Variants in PEX5L observed in about 807,000 individuals in gnomAD.
The protein encoded by PEX5L is PEX5-related protein.
In PEX5L, 30 loss-of-function variants were observed where a neutral mutation model predicts 84.0. The ratio of observed to expected loss-of-function variants is 0.36; its 90% CI spans 0.27 to 0.48. PEX5L has a LOEUF of 0.48. PEX5L is among the 20% of genes least tolerant of loss of function. The pLI, the probability that PEX5L is intolerant of heterozygous loss-of-function variation, is 0.99. For missense variants in PEX5L, 533 were observed against 754.6 expected, an observed-to-expected ratio of 0.71 and a Z score of 3.44; for synonymous variants, 270 against 283.1, an observed-to-expected ratio of 0.95 and a Z score of 0.46.
intron 2 of PEX5L, among the ~76,000 whole-genome samples, chr3:179,924,422 G>T (rs1226167760): frequency 6.6e-6 from 1 of 152,130 alleles, no homozygotes; most frequent in Non-Finnish European, 1.5e-5. Flanking sequence ...GATGTTTTTG[G>T]AATGAATAAA....
intron 1 of PEX5L, among the ~76,000 whole-genome samples, chr3:180,001,320 T>C (rs1165748500): frequency 6.8e-6 from 1 of 148,074 alleles, no homozygotes; most frequent in Non-Finnish European, 1.5e-5. Context: ...CCCCTTTATA[T>C]TCATATATAT....
chr3:179,952,116 C>T (rs1020140378), intron 2 of PEX5L, among the ~76,000 whole-genome samples: 3 of 152,084 alleles, frequency 2.0e-5, no homozygotes, highest in African/African-American at 7.2e-5. Context: ...TATAGATTTG[C>T]AAGAAAGCTT....
chr3:179,984,648 T>C (rs1464872873), intron 1 of PEX5L, among the ~76,000 whole-genome samples: 2 of 152,214 alleles, frequency 1.3e-5, no homozygotes. Flanking sequence ...GGAAAATTAA[T>C]TTTTGTTTTT....
In PEX5L at chr3:179,939,868, A is replaced by G. The variant is rs1340311430; in HGVS notation, c.93+31726T>C. On this transcript the variant is annotated intron_variant, in intron 2 of 14. Coordinates refer to ENST00000467460, the MANE Select transcript of PEX5L (RefSeq NM_016559.3). ...GCAAAGTTGGAAGACATGAACCCAG[A>G]GGAAAGCCAGAGAAAAAATGAGTTG... Among the ~76,000 whole-genome samples, 6 of 152,144 alleles carry G rather than the reference A, an allele frequency of 3.9e-5. No individual in the cohort carries two copies. The East Asian group carries it at 1.2e-3, about 29-fold the overall frequency.
At chr3:179,841,186 G>T (rs1737133585) in intron 8 of PEX5L, among the ~76,000 whole-genome samples, 2 of 152,278 alleles carry the variant, frequency 1.3e-5, no homozygotes, top group Non-Finnish European at 2.9e-5. Flanking sequence ...GAATGATTCA[G>T]TTTCTGCCTC....
At chr3:179,939,095 T>C (rs777360843) in intron 2 of PEX5L, among the ~76,000 whole-genome samples, 2 of 152,204 alleles carry the variant, frequency 1.3e-5, no homozygotes, top group Non-Finnish European at 2.9e-5. Flanking sequence ...TTGAATTCCT[T>C]TGGGAAATTC....
chr3:180,029,444 G>A (rs1273509064), intron 1 of PEX5L, among the ~76,000 whole-genome samples: 4 of 152,178 alleles, frequency 2.6e-5, no homozygotes, highest in Non-Finnish European at 5.9e-5. Context: ...AAATAAATGT[G>A]TTAGGTGAAG....
intron 1 of PEX5L, among the ~76,000 whole-genome samples, chr3:180,022,961 T>C (rs1420129337): frequency 1.3e-5 from 2 of 152,208 alleles, no homozygotes; most frequent in Non-Finnish European, 2.9e-5. Context: ...GTAGAAAGAA[T>C]GCATCAGTGA....
At chr3:179,864,949 A>G (rs190035504) in intron 7 of PEX5L, among the ~76,000 whole-genome samples, 1 of 152,142 alleles carries the variant, frequency 6.6e-6, no homozygotes, top group Non-Finnish European at 1.5e-5. Flanking sequence ...CTTAGCAGGC[A>G]CTTCTCACCA....
chr3:179,926,491 G>A (rs1442903678), intron 2 of PEX5L, among the ~76,000 whole-genome samples: 4 of 152,184 alleles, frequency 2.6e-5, no homozygotes, highest in African/African-American at 7.2e-5. Flanking sequence ...ATATTCAGGT[G>A]TCAATTCAAG....
In PEX5L at chr3:180,024,260, G is replaced by A. The variant is rs959756663; in HGVS notation, c.21+12319C>T. 4.7e-5 allele frequency among the ~76,000 whole-genome samples: 7 copies of A among 150,032 alleles called. No homozygotes were observed. The South Asian group carries it at 1.1e-3, about 23-fold the overall frequency. On this transcript the variant is annotated intron_variant, in intron 1 of 14. Coordinates refer to ENST00000467460, the MANE Select transcript of PEX5L (RefSeq NM_016559.3). ...CTCACATATAAGAGTAACTGTGCCC[G>A]GCACTTTGGGAGGCCGAGGTGGGTG... is the stretch of plus-strand genomic sequence containing the variant.
intron 1 of PEX5L, among the ~76,000 whole-genome samples, chr3:179,984,651 T>C (rs918819280): frequency 2.0e-5 from 3 of 152,224 alleles, no homozygotes; most frequent in African/African-American, 7.2e-5. Context: ...AAATTAATTT[T>C]TGTTTTTCCT....
At chr3:179,811,895 C>T in intron 10 of PEX5L, 24 bp from the exon 11 acceptor site, 2 of 1,590,004 alleles carry the variant, frequency 1.3e-6, no homozygotes, top group Middle Eastern at 1.7e-4. Context: ...CTGATGTTAA[C>T]ATTGCAAGAT....
rs771736748 is a variant in PEX5L at position 179,809,686 on chromosome 3, G to A, written c.1155-18C>T. ...CTAAGCACCTGAAAAAAAAAAAGAAGCCAATTTCAGATTTTTTTTTGAGCC... is the reference window on the plus strand; with the variant it reads ...CTAAGCACCTGAAAAAAAAAAAGAAACCAATTTCAGATTTTTTTTTGAGCC... On this transcript the variant is annotated intron_variant, in intron 11 of 14. Coordinates refer to ENST00000467460, the MANE Select transcript of PEX5L (RefSeq NM_016559.3). 6 of 1,484,878 alleles carry A rather than the reference G, an allele frequency of 4.0e-6. No individual in the cohort carries two copies. Among genetic ancestry groups the A allele is most frequent in the South Asian group, 1.3e-5 (1 of 79,974 alleles). 92.0% of individuals were successfully genotyped at this position (1,484,878 alleles called of 1,614,324 possible). A position where few individuals can be genotyped will look rare whatever the true frequency, so the allele number is the denominator to read the frequency against.
chr3:180,034,574 G>C (rs75071007), intron 1 of PEX5L, among the ~76,000 whole-genome samples: 15 of 152,080 alleles, frequency 9.9e-5, no homozygotes, highest in Admixed American at 3.9e-4. Context: ...TTTTGTTGGG[G>C]GGAGCAGATG....
At chr3:179,842,519 A>G (rs1272323880) in intron 8 of PEX5L, among the ~76,000 whole-genome samples, 1 of 152,096 alleles carries the variant, frequency 6.6e-6, no homozygotes, top group Admixed American at 6.5e-5. Flanking sequence ...ATATTTTAAT[A>G]AATATTTTAT....
chr3:180,033,356 A>C (rs1791625516), intron 1 of PEX5L, among the ~76,000 whole-genome samples: 1 of 152,100 alleles, frequency 6.6e-6, no homozygotes, highest in South Asian at 2.1e-4. Flanking sequence ...TTACAATTAC[A>C]AATAGATTTT....
At chr3:179,968,144 T>C (rs371275840) in intron 2 of PEX5L, among the ~76,000 whole-genome samples, 21 of 152,144 alleles carry the variant, frequency 1.4e-4, no homozygotes, top group Admixed American at 1.2e-3. Context: ...ATCAAAATAG[T>C]CTATAAATTT....
chr3:179,838,129 A>C (rs948457424), intron 8 of PEX5L, among the ~76,000 whole-genome samples: 2 of 152,194 alleles, frequency 1.3e-5, no homozygotes, highest in Non-Finnish European at 2.9e-5. Flanking sequence ...TAATCTTAAA[A>C]TGTTTTTGAA....
Sources: allele counts gnomAD v4.1 joint callset (sites outside exome capture counted in the v4.1 genomes callset), GRCh38; gene constraint gnomAD v4.1.1; transcripts MANE v1.5; gene names NCBI Gene and HGNC (gene_info 2026-07-23, HGNC 2026-07-21).